NDRG3: variants seen among roughly 807,000 people sequenced by gnomAD.
NDRG3 encodes protein NDRG3.
Under a neutral mutation model 57.2 loss-of-function variants are expected in NDRG3, and 23 were observed. That is an observed-to-expected ratio of 0.40 (90% CI 0.29 to 0.57). The LOEUF (loss-of-function observed/expected upper bound fraction) is 0.57, where lower values mean the gene tolerates loss of function less well. Among genes scored for constraint, NDRG3 ranks in the 20% least tolerant of loss-of-function variants. The pLI, the probability that NDRG3 is intolerant of heterozygous loss-of-function variation, is 0.42. For missense variants in NDRG3, 384 were observed against 457.3 expected, an observed-to-expected ratio of 0.84 and a Z score of 1.46; for synonymous variants, 132 against 162.6, an observed-to-expected ratio of 0.81 and a Z score of 1.43.
At chr20:36,704,255 T>G (rs1467412113) in intron 3 of NDRG3, among the ~76,000 whole-genome samples, 1 of 152,026 alleles carries the variant, frequency 6.6e-6, no homozygotes, top group Non-Finnish European at 1.5e-5. Context: ...TTTTGTATTT[T>G]TAGTAGAGAT....
chr20:36,705,245 C>A (rs1983476330), intron 3 of NDRG3, among the ~76,000 whole-genome samples: 1 of 150,168 alleles, frequency 6.7e-6, no homozygotes, highest in African/African-American at 2.5e-5. Flanking sequence ...CGCTTGAATC[C>A]AGGAGGCAGA....
chr20:36,683,211 T>C (rs963968956), intron 6 of NDRG3, among the ~76,000 whole-genome samples: 1 of 151,806 alleles, frequency 6.6e-6, no homozygotes, highest in Non-Finnish European at 1.5e-5. Flanking sequence ...GCCACTGCAC[T>C]CCAGCCTAGG....
chr20:36,712,578 TATATA>T (rs1983969548), intron 2 of NDRG3, among the ~76,000 whole-genome samples: 2 of 23,866 alleles, frequency 8.4e-5, no homozygotes, highest in Non-Finnish European at 2.1e-4. Flanking sequence ...TATATATATA[TATATA>T]TATATTTTTT....
chr20:36,703,061 C>G (rs563296219), intron 3 of NDRG3, among the ~76,000 whole-genome samples: 38 of 152,236 alleles, frequency 2.5e-4, no homozygotes, highest in African/African-American at 8.7e-4. Flanking sequence ...CTCAGGTGAT[C>G]TACCCGCAGA....
chr20:36,693,161 CAT>C (rs536345138), intron 3 of NDRG3, among the ~76,000 whole-genome samples: 34 of 90,304 alleles, frequency 3.8e-4, no homozygotes, highest in Admixed American at 1.4e-3. Context: ...CACATATACA[CAT>C]ATATATATAC....
At chr20:36,705,483 TA>T (rs1983499567) in intron 3 of NDRG3, among the ~76,000 whole-genome samples, 1 of 152,216 alleles carries the variant, frequency 6.6e-6, no homozygotes, top group Non-Finnish European at 1.5e-5. Context: ...CTTCTGATGC[TA>T]ATGCTTAGAG....
chr20:36,698,377 C>T (rs1260087998), intron 3 of NDRG3, among the ~76,000 whole-genome samples: 1 of 151,844 alleles, frequency 6.6e-6, no homozygotes, highest in African/African-American at 2.4e-5. Flanking sequence ...ACTGCTCGAG[C>T]CCAGGAGTTT....
At chr20:36,689,459 T>C (rs914203732) in intron 3 of NDRG3, among the ~76,000 whole-genome samples, 4 of 152,110 alleles carry the variant, frequency 2.6e-5, no homozygotes, top group Non-Finnish European at 5.9e-5. Context: ...GGGTAAAAAA[T>C]CAGAGGTTTT....
At chr20:36,734,077 T>C (rs1332439440) in intron 1 of NDRG3, among the ~76,000 whole-genome samples, 17 of 152,130 alleles carry the variant, frequency 1.1e-4, no homozygotes, top group Non-Finnish European at 5.9e-5. Flanking sequence ...AGAGGTGACA[T>C]GCCTGGGCAC....
intron 1 of NDRG3, among the ~76,000 whole-genome samples, chr20:36,736,100 C>T (rs1039233157): frequency 2.6e-5 from 4 of 151,864 alleles, no homozygotes; most frequent in African/African-American, 9.7e-5. Context: ...CTTTACTACA[C>T]AGACAACCCC....
At chr20:36,676,613 C>T (rs2148075466) in intron 8 of NDRG3, among the ~76,000 whole-genome samples, 1 of 152,336 alleles carries the variant, frequency 6.6e-6, no homozygotes, top group East Asian at 1.9e-4. Context: ...CAGGCATACA[C>T]CACCAGGCCT....
intron 9 of NDRG3, among the ~76,000 whole-genome samples, chr20:36,667,876 C>G (rs989034701): frequency 6.6e-6 from 1 of 152,086 alleles, no homozygotes; most frequent in Non-Finnish European, 1.5e-5. Flanking sequence ...GAAGGGTACG[C>G]GAATCACTAC....
At chr20:36,694,647 T>C (rs1982620631) in intron 3 of NDRG3, among the ~76,000 whole-genome samples, 2 of 152,234 alleles carry the variant, frequency 1.3e-5, no homozygotes, top group Admixed American at 1.3e-4. Flanking sequence ...TGATCCTTCA[T>C]TGGCTCTGTT....
intron 8 of NDRG3, among the ~76,000 whole-genome samples, chr20:36,674,338 G>A (rs1346322361): frequency 2.6e-5 from 4 of 151,466 alleles, no homozygotes; most frequent in Non-Finnish European, 5.9e-5. Context: ...CAGTAGCTGG[G>A]ATTACAGGCG....
chr20:36,736,427 C>T (rs1412194581), intron 1 of NDRG3, among the ~76,000 whole-genome samples: 2 of 152,150 alleles, frequency 1.3e-5, no homozygotes, highest in Non-Finnish European at 2.9e-5. Flanking sequence ...ACACAGCCAG[C>T]TAGGTGTGGA....
chr20:36,660,620 G>A (rs1979110576), intron 12 of NDRG3, among the ~76,000 whole-genome samples: 2 of 151,386 alleles, frequency 1.3e-5, no homozygotes, highest in African/African-American at 2.4e-5. Flanking sequence ...GAGTGCAGTG[G>A]CGCGATCTCG....
Position 36,681,040 on chromosome 20 carries a change from CAT to C in NDRG3, c.445-140_445-139del, listed in dbSNP as rs1600888031. ...AAAGTAAGACTACAAAGAGGGAGAA[CAT>C]GTGGAAAAATAGCTCTTGAAATCTG... On this transcript the variant is annotated intron_variant, in intron 7 of 15. Transcript: ENST00000349004. 5 of 650,478 alleles carry C rather than the reference CAT, an allele frequency of 7.7e-6. No individual in the cohort carries two copies. In the East Asian group the frequency reaches 8.6e-5, roughly 11 times the overall value. The allele number at this position is 650,478 out of a possible 1,614,324, so 40.3% of individuals were successfully genotyped here.
intron 4 of NDRG3, among the ~76,000 whole-genome samples, chr20:36,687,905 C>T (rs1031022801): frequency 6.6e-6 from 1 of 152,150 alleles, no homozygotes; most frequent in African/African-American, 2.4e-5. Flanking sequence ...AATCTTACAC[C>T]CATAATGCTG....
chr20:36,719,471 A>T (rs992258162), intron 2 of NDRG3, among the ~76,000 whole-genome samples: 1 of 151,432 alleles, frequency 6.6e-6, no homozygotes, highest in African/African-American at 2.4e-5. Context: ...GGGAGAGAGA[A>T]GTCTGGTGAA....
Sources: allele counts gnomAD v4.1 joint callset (sites outside exome capture counted in the v4.1 genomes callset), GRCh38; gene constraint gnomAD v4.1.1; transcripts MANE v1.5; gene names NCBI Gene and HGNC (gene_info 2026-07-23, HGNC 2026-07-21).